The following MCM8 variants were observed in gnomAD, a reference collection of about 807,000 sequenced individuals.
MCM8 encodes minichromosome maintenance 8 homologous recombination repair factor, also known as DNA helicase MCM8.
MCM8 carries 85 observed loss-of-function variants against 98.9 expected under a neutral mutation model. That is an observed-to-expected ratio of 0.86 (90% CI 0.72 to 1.03). The LOEUF (loss-of-function observed/expected upper bound fraction) is 1.03, where lower values mean the gene tolerates loss of function less well. MCM8 is among the 50% of genes least tolerant of loss of function. MCM8 has a pLI of 0.00. For missense variants in MCM8, 951 were observed against 997.8 expected, an observed-to-expected ratio of 0.95 and a Z score of 0.63; for synonymous variants, 352 against 338.6, an observed-to-expected ratio of 1.04 and a Z score of -0.44.
intron 11 of MCM8, 108 bp from the exon 12 acceptor site, chr20:5,972,948 T>A: frequency 2.1e-6 from 3 of 1,397,384 alleles, no homozygotes; most frequent in Non-Finnish European, 2.9e-6. Context: ...ATCATGCTTT[T>A]AAAACAATCC....
chr20:5,985,211 C>T (rs572894369), intron 15 of MCM8, among the ~76,000 whole-genome samples: 5 of 152,060 alleles, frequency 3.3e-5, no homozygotes, highest in East Asian at 3.9e-4. Flanking sequence ...TTTGGGAGGC[C>T]GAGGCAGGTG....
rs201911318 is a variant in MCM8 at position 5,985,998 on chromosome 20, T to G, written c.2030T>G (p.Val677Gly). 20 of 1,614,140 alleles carry G rather than the reference T, an allele frequency of 1.2e-5. No homozygotes were observed. Among genetic ancestry groups the G allele is most frequent in the Non-Finnish European group, 1.5e-5 (18 of 1,180,050 alleles). Reference protein sequence around the residue: ...RKYIGYARQYVYPRLSTEAAR... With the variant: ...RKYIGYARQYGYPRLSTEAAR... ...TACATTGGCTATGCTCGGCAGTATG[T>G]GTACCCAAGGCTATCCACAGAAGCT... Residue 677 changes from valine (V) to glycine (G), a missense_variant, in exon 16 of 19, where the codon GTG becomes GGG. Physicochemically the swap from Val to Gly is moderately radical, Grantham distance 109 (BLOSUM62 -3). Transcript: ENST00000610722.
At chr20:5,992,163 A>G (rs1363031319) in intron 17 of MCM8, among the ~76,000 whole-genome samples, 1 of 152,210 alleles carries the variant, frequency 6.6e-6, no homozygotes, top group Non-Finnish European at 1.5e-5. Flanking sequence ...AACTAGCTCA[A>G]ATATTTTACA....
At chr20:5,971,859 T>C in intron 10 of MCM8, 148 bp from the exon 11 acceptor site, 1 of 592,304 alleles carries the variant, frequency 1.7e-6, no homozygotes, top group Non-Finnish European at 2.9e-6. Context: ...AGAAATGTAC[T>C]GTAAGAATAA....
intron 10 of MCM8, among the ~76,000 whole-genome samples, chr20:5,969,795 G>T (rs1175295406): frequency 6.6e-6 from 1 of 152,108 alleles, no homozygotes; most frequent in East Asian, 1.9e-4. Context: ...TGGAAGAGAG[G>T]CTGCTCTAAC....
intron 17 of MCM8, among the ~76,000 whole-genome samples, chr20:5,989,312 C>T (rs2089798577): frequency 6.6e-6 from 1 of 151,964 alleles, no homozygotes; most frequent in South Asian, 2.1e-4. Context: ...GATGGGGTTT[C>T]ACCATGTTGG....
In MCM8 at chr20:5,993,527, T is replaced by A. The variant is rs1167984955; in HGVS notation, c.2262T>A (p.Asp754Glu). Residue 754 changes from aspartate to glutamate, a missense_variant, in exon 18 of 19, where the codon GAT becomes GAA. Physicochemically the swap from Asp to Glu is conservative, Grantham distance 45 (BLOSUM62 2). Transcript: ENST00000610722. The stretch of plus-strand genomic sequence containing the variant: ...TAAGCATGCTAGGAACTTACTCTGA[T>A]GAATTTGGGAACCTAGATTTTGAGC... ...MKYSMLGTYS[D>E]EFGNLDFERS... 6.3e-7 allele frequency: 1 copy of A among 1,576,074 alleles called. No homozygotes were observed. The highest frequency in any genetic ancestry group is 1.3e-5 in the African/African-American group (1 of 74,272).
At chr20:5,988,962 C>T (rs2089787996) in intron 17 of MCM8, among the ~76,000 whole-genome samples, 1 of 152,238 alleles carries the variant, frequency 6.6e-6, no homozygotes, top group South Asian at 2.1e-4. Context: ...GCTGCCATGG[C>T]AGGTTACACA....
At chr20:5,964,386 T>G (rs975722261) in intron 8 of MCM8, among the ~76,000 whole-genome samples, 4 of 152,190 alleles carry the variant, frequency 2.6e-5, no homozygotes, top group Non-Finnish European at 4.4e-5. Context: ...ATATAATAAT[T>G]AATTGTACTA....
At position 5,972,977 on chromosome 20, in the gene MCM8, T is replaced by C; in HGVS notation, c.1255-79T>C. The C allele has an allele frequency of 4.8e-6, 7 of 1,466,870 alleles. No individual in the cohort carries two copies. The East Asian group carries it at 1.2e-4, about 25-fold the overall frequency. The allele number at this position is 1,466,870 out of a possible 1,614,324, so 90.9% of individuals were successfully genotyped here. ...ACAATCCCCAAACAAATTAATATTA[T>C]AGAAGGAGGAATACCCCCTTTACTA... On this transcript the variant is annotated intron_variant, in intron 11 of 18. Coordinates refer to ENST00000610722, the MANE Select transcript of MCM8 (RefSeq NM_032485.6).
Position 5,952,483 on chromosome 20 carries a change from G to C in MCM8, c.208G>C (p.Asp70His), listed in dbSNP as rs1481303486. 6.2e-7 allele frequency: 1 copy of C among 1,614,020 alleles called. No homozygotes were observed. Among genetic ancestry groups the C allele is most frequent in the Non-Finnish European group, 8.5e-7 (1 of 1,179,986 alleles). ...KTPQSMQSTL[D>H]RFIPYKGWKL... ...CCCACAGTCAATGCAGTCAACATTG[G>C]ATCGATTCATACCATATAAAGGCTG... The change falls in exon 3 of 19, where the codon GAT becomes CAT. Residue 70 changes from aspartate (D) to histidine (H), a missense_variant. Physicochemically the swap from Asp to His is moderately conservative, Grantham distance 81. Coordinates refer to ENST00000610722, the MANE Select transcript of MCM8 (RefSeq NM_032485.6).
intron 7 of MCM8, among the ~76,000 whole-genome samples, chr20:5,959,303 C>T (rs1388885144): frequency 1.3e-5 from 2 of 152,116 alleles, no homozygotes; most frequent in Non-Finnish European, 2.9e-5. Flanking sequence ...TGAAGTCTTT[C>T]TGTTCTCAGT....
At chr20:5,967,255 A>G (rs1600263594) in intron 8 of MCM8, among the ~76,000 whole-genome samples, 181 bp from the exon 9 acceptor site, 1 of 152,212 alleles carries the variant, frequency 6.6e-6, no homozygotes, top group Non-Finnish European at 1.5e-5. Flanking sequence ...AGGCAAATAC[A>G]TATGTTCATT....
At chr20:5,957,721 G>T (rs1330670334) in intron 6 of MCM8, among the ~76,000 whole-genome samples, 1 of 152,166 alleles carries the variant, frequency 6.6e-6, no homozygotes, top group Non-Finnish European at 1.5e-5. Flanking sequence ...AGGCATTTTG[G>T]ATAAGGGATA....
chr20:5,959,532 A>G (rs1406417233), intron 7 of MCM8, among the ~76,000 whole-genome samples: 1 of 152,016 alleles, frequency 6.6e-6, no homozygotes, highest in Non-Finnish European at 1.5e-5. Flanking sequence ...CATTTTTACT[A>G]TTGTGGAGTG....
intron 17 of MCM8, among the ~76,000 whole-genome samples, chr20:5,990,292 G>C (rs1268672784): frequency 6.6e-6 from 1 of 152,156 alleles, no homozygotes; most frequent in Admixed American, 6.5e-5. Flanking sequence ...GGCCAGGCTA[G>C]TCTTGAACTC....
intron 7 of MCM8, among the ~76,000 whole-genome samples, chr20:5,960,503 A>C (rs1345452510): frequency 6.6e-6 from 1 of 152,126 alleles, no homozygotes; most frequent in African/African-American, 2.4e-5. Context: ...ATTGTTGATT[A>C]TATACATTAG....
intron 17 of MCM8, among the ~76,000 whole-genome samples, chr20:5,989,929 T>C (rs1355752261): frequency 1.3e-5 from 2 of 152,246 alleles, no homozygotes; most frequent in Non-Finnish European, 2.9e-5. Flanking sequence ...TGACAGCTCT[T>C]AATTTTTTAT....
At chr20:5,979,676 C>T (rs921105169) in intron 13 of MCM8, among the ~76,000 whole-genome samples, 1 of 152,166 alleles carries the variant, frequency 6.6e-6, no homozygotes, top group African/African-American at 2.4e-5. Flanking sequence ...TATCTAACCA[C>T]TTCTTCATTA....
Sources: allele counts gnomAD v4.1 joint callset (sites outside exome capture counted in the v4.1 genomes callset), GRCh38; gene constraint gnomAD v4.1.1; transcripts MANE v1.5; gene names NCBI Gene and HGNC (gene_info 2026-07-23, HGNC 2026-07-21).